Variants in CPQ observed in about 807,000 individuals in gnomAD.
The protein encoded by CPQ is Ser-Met dipeptidase.
In CPQ, 37 loss-of-function variants were observed where a neutral mutation model predicts 45.7. The ratio of observed to expected loss-of-function variants is 0.81; its 90% CI spans 0.62 to 1.07. CPQ has a LOEUF of 1.07. Ranked by LOEUF, CPQ falls within the 50% of genes least tolerant of loss-of-function variation. The pLI is 0.00. For missense variants in CPQ, 537 were observed against 572.9 expected, an observed-to-expected ratio of 0.94 and a Z score of 0.64; for synonymous variants, 186 against 205.8, an observed-to-expected ratio of 0.90 and a Z score of 0.82.
chr8:96,834,157 C>T (rs1476680439), intron 2 of CPQ, among the ~76,000 whole-genome samples: 1 of 152,116 alleles, frequency 6.6e-6, no homozygotes, highest in Non-Finnish European at 1.5e-5. Context: ...AATGGTCAGG[C>T]AAATTTTGAA....
chr8:96,776,062 T>C (rs1260462213), intron 1 of CPQ, among the ~76,000 whole-genome samples: 1 of 152,242 alleles, frequency 6.6e-6, no homozygotes, highest in African/African-American at 2.4e-5. Flanking sequence ...CTTGCAGAAT[T>C]CCTTGCATAT....
At chr8:96,908,747 G>GCGCGCGCACA (rs149476038) in intron 4 of CPQ, among the ~76,000 whole-genome samples, 5 of 140,918 alleles carry the variant, frequency 3.5e-5, no homozygotes, top group African/African-American at 1.0e-4. Flanking sequence ...ATACACATGC[G>GCGCGCGCACA]CACACACACA....
At chr8:96,992,997 G>A (rs1347499531) in intron 5 of CPQ, among the ~76,000 whole-genome samples, 1 of 152,164 alleles carries the variant, frequency 6.6e-6, no homozygotes, top group African/African-American at 2.4e-5. Context: ...TGCCTGTGGG[G>A]TAGGCTGGCT....
intron 3 of CPQ, among the ~76,000 whole-genome samples, chr8:96,844,510 CA>C (rs574795762): frequency 6.6e-6 from 1 of 152,214 alleles, no homozygotes; most frequent in Non-Finnish European, 1.5e-5. Context: ...GTACATTAAA[CA>C]ACCAGTGTGA....
intron 4 of CPQ, among the ~76,000 whole-genome samples, chr8:96,883,372 G>A (rs530056461): frequency 6.6e-6 from 1 of 152,236 alleles, no homozygotes; most frequent in Admixed American, 6.5e-5. Flanking sequence ...TTTTGTCGGG[G>A]TAGCACCTTC....
At chr8:97,034,027 A>G (rs1449631555) in intron 6 of CPQ, among the ~76,000 whole-genome samples, 6 of 152,196 alleles carry the variant, frequency 3.9e-5, no homozygotes, top group Admixed American at 3.3e-4. Context: ...TTCTTATGAC[A>G]TATCAGCTCA....
chr8:96,669,239 G>C (rs888199762), intron 1 of CPQ, among the ~76,000 whole-genome samples: 6 of 152,210 alleles, frequency 3.9e-5, no homozygotes, highest in Non-Finnish European at 8.8e-5. Flanking sequence ...CCCTTGCCCT[G>C]CTGGCATGAT....
chr8:96,956,073 C>A (rs953640764), intron 4 of CPQ, among the ~76,000 whole-genome samples: 51 of 152,326 alleles, frequency 3.3e-4, no homozygotes, highest in Non-Finnish European at 6.9e-4. Flanking sequence ...AAACTACCAT[C>A]AGAGTGAACA....
intron 2 of CPQ, among the ~76,000 whole-genome samples, chr8:96,801,128 A>G (rs1331086007): frequency 3.9e-5 from 6 of 152,026 alleles, no homozygotes; most frequent in Non-Finnish European, 1.5e-5. Context: ...GGCGTACACC[A>G]CAACGCCCAG....
chr8:96,855,571 T>C (rs1458450175), intron 3 of CPQ, among the ~76,000 whole-genome samples: 1 of 152,182 alleles, frequency 6.6e-6, no homozygotes, highest in African/African-American at 2.4e-5. Context: ...TTCTGATACA[T>C]TGTCTACAGA....
At chr8:97,045,245 T>C (rs1415373099) in intron 6 of CPQ, among the ~76,000 whole-genome samples, 1 of 151,900 alleles carries the variant, frequency 6.6e-6, no homozygotes. Context: ...CTCAGACTGC[T>C]GTGCTAGCAA....
At chr8:96,688,602 C>G (rs1248298173) in intron 1 of CPQ, among the ~76,000 whole-genome samples, 1 of 152,124 alleles carries the variant, frequency 6.6e-6, no homozygotes, top group Admixed American at 6.5e-5. Flanking sequence ...CTCTCTATTT[C>G]CTACTATTAG....
intron 4 of CPQ, among the ~76,000 whole-genome samples, chr8:96,918,096 C>G (rs1226462676): frequency 2.0e-5 from 3 of 152,102 alleles, no homozygotes; most frequent in Admixed American, 6.6e-5. Flanking sequence ...TAATGCATAG[C>G]TAAAGATGAC....
At chr8:96,690,348 A>G (rs1197267406) in intron 1 of CPQ, among the ~76,000 whole-genome samples, 1 of 152,142 alleles carries the variant, frequency 6.6e-6, no homozygotes, top group Non-Finnish European at 1.5e-5. Flanking sequence ...ATTGTGTTCT[A>G]GGCTAATAAC....
chr8:96,925,831 A>G (rs1812866955), intron 4 of CPQ, among the ~76,000 whole-genome samples: 2 of 151,846 alleles, frequency 1.3e-5, no homozygotes, highest in Non-Finnish European at 2.9e-5. Context: ...CTGGGACTAC[A>G]GGTGTGCACC....
intron 1 of CPQ, among the ~76,000 whole-genome samples, chr8:96,740,102 T>G (rs1414273875): frequency 4.6e-5 from 7 of 152,048 alleles, no homozygotes; most frequent in Admixed American, 3.9e-4. Context: ...GAGCATGGAA[T>G]GTTCTTCCAT....
chr8:96,922,217 T>C (rs1324772712), intron 4 of CPQ, among the ~76,000 whole-genome samples: 2 of 152,202 alleles, frequency 1.3e-5, no homozygotes, highest in Admixed American at 1.3e-4. Context: ...GCATTGGAAT[T>C]TGTTCAGACC....
At chr8:96,789,407 C>T (rs1289440817) in intron 2 of CPQ, among the ~76,000 whole-genome samples, 9 of 152,064 alleles carry the variant, frequency 5.9e-5, no homozygotes, top group Admixed American at 5.2e-4. Flanking sequence ...TCTGATGTTC[C>T]TGTTTAGATT....
At chr8:96,762,592 G>A (rs1366823232) in intron 1 of CPQ, among the ~76,000 whole-genome samples, 2 of 152,104 alleles carry the variant, frequency 1.3e-5, no homozygotes, top group African/African-American at 4.8e-5. Context: ...AGTGATGGAG[G>A]GACTAAGGAA....
Sources: gnomAD v4.1 joint callset for allele counts (sites outside exome capture counted in the v4.1 genomes callset) on GRCh38, gnomAD v4.1.1 for gene constraint, MANE v1.5 for transcripts, NCBI Gene and HGNC (gene_info 2026-07-23, HGNC 2026-07-21) for gene names.